Variants in TNS1 observed in about 807,000 individuals in gnomAD.
TNS1 encodes the protein tensin 1.
TNS1 carries 62 observed loss-of-function variants against 168.6 expected under a neutral mutation model. That is an observed-to-expected ratio of 0.37 (90% CI 0.30 to 0.45). The LOEUF is 0.45. Among genes scored for constraint, TNS1 ranks in the 20% least tolerant of loss-of-function variants. TNS1 has a pLI of 1.00. For missense variants in TNS1, 2,240 were observed against 2,339.4 expected, an observed-to-expected ratio of 0.96 and a Z score of 0.88; for synonymous variants, 934 against 933.2, an observed-to-expected ratio of 1.00 and a Z score of -0.02.
chr2:217,822,632 G>A (rs1327372573), intron 22 of TNS1, among the ~76,000 whole-genome samples: 1 of 152,200 alleles, frequency 6.6e-6, no homozygotes, highest in South Asian at 2.1e-4. Flanking sequence ...GAGCAGTTTA[G>A]TTTACAGAGG....
chr2:217,898,589 C>G (rs1041416649), intron 7 of TNS1, among the ~76,000 whole-genome samples: 3 of 152,246 alleles, frequency 2.0e-5, no homozygotes, highest in African/African-American at 7.2e-5. Context: ...AACTCCTGCC[C>G]TTTGTTCCTT....
chr2:217,976,605 T>A (rs1957902448), intron 3 of TNS1, among the ~76,000 whole-genome samples: 1 of 152,200 alleles, frequency 6.6e-6, no homozygotes, highest in Admixed American at 6.5e-5. Context: ...GGCAGCCTGG[T>A]GCATTCTGAG....
chr2:217,963,734 G>A (rs1383696125), intron 3 of TNS1, among the ~76,000 whole-genome samples: 1 of 139,104 alleles, frequency 7.2e-6, no homozygotes, highest in African/African-American at 2.8e-5. Flanking sequence ...ATGAAAATAT[G>A]TACATTTACC....
intron 1 of TNS1, among the ~76,000 whole-genome samples, chr2:218,029,736 T>C (rs2059741): frequency 0.9 from 137,628 of 152,238 alleles, 62,442 homozygotes; most frequent in African/African-American, 0.98. Context: ...AAGTCGGGAT[T>C]GCGCACTGCC....
In TNS1 at chr2:217,848,418, G is replaced by C. The variant is rs147452506; in HGVS notation, c.2099C>G (p.Thr700Arg). The change falls in exon 19 of 33, where the codon ACG becomes AGG. Residue 700 changes from threonine to arginine, a missense_variant. This residue lies in a region of TNS1 where 2,131 missense variants were observed against 2,171.2 expected (regional missense o/e 0.98). Coordinates refer to ENST00000682258, the MANE Select transcript of TNS1 (RefSeq NM_001387777.1). ...AGAGTAGGAGGGCCGCATGGGGGCC[G>C]TGTGGCCAGCATGGGCAGGCCCCGC... ...SRAGPAHAGH[T>R]APMRPSYSAQ... is the part of the protein sequence containing the mutation. The C allele has an allele frequency of 4.4e-6, 7 of 1,601,202 alleles. No individual in the cohort carries two copies. Among genetic ancestry groups the C allele is most frequent in the South Asian group, 1.1e-5 (1 of 89,062 alleles).
chr2:217,930,483 C>G (rs1956263331), intron 3 of TNS1, among the ~76,000 whole-genome samples: 1 of 152,194 alleles, frequency 6.6e-6, no homozygotes, highest in Non-Finnish European at 1.5e-5. Context: ...AGAGGCAACC[C>G]ATGCCACACT....
intron 3 of TNS1, among the ~76,000 whole-genome samples, chr2:217,936,307 A>G (rs561991824): frequency 7.2e-5 from 11 of 152,142 alleles, no homozygotes; most frequent in Non-Finnish European, 1.6e-4. Context: ...AGCTGCCTAC[A>G]GTCTACCCTC....
chr2:217,809,678 A>C, intron 30 of TNS1, 145 bp downstream of exon 30: 1 of 801,586 alleles, frequency 1.2e-6, no homozygotes, highest in Non-Finnish European at 2.0e-6. Context: ...GGTAGATGGG[A>C]GGTAGATGCA....
At chr2:217,898,561 C>A (rs566453884) in intron 7 of TNS1, among the ~76,000 whole-genome samples, 2 of 152,372 alleles carry the variant, frequency 1.3e-5, no homozygotes, top group South Asian at 4.1e-4. Flanking sequence ...CACATTCCAG[C>A]CCTCCCGGAG....
intron 22 of TNS1, among the ~76,000 whole-genome samples, chr2:217,829,238 T>C (rs1290571294): frequency 7.0e-6 from 1 of 143,194 alleles, no homozygotes; most frequent in African/African-American, 2.6e-5. Flanking sequence ...AAAAAAAAAT[T>C]GCTGGGCGTG....
intron 18 of TNS1, among the ~76,000 whole-genome samples, chr2:217,857,407 T>A (rs1397043418): frequency 1.3e-5 from 2 of 152,184 alleles, no homozygotes; most frequent in Admixed American, 6.5e-5. Context: ...TTGTCCCTAA[T>A]GCTGCTTCAA....
intron 1 of TNS1, among the ~76,000 whole-genome samples, chr2:218,015,453 C>G (rs1958749415): frequency 6.6e-6 from 1 of 152,126 alleles, no homozygotes; most frequent in Non-Finnish European, 1.5e-5. Flanking sequence ...CCACTACTAG[C>G]CCAGGTCTCT....
At chr2:217,966,284 T>A (rs1291780847) in intron 3 of TNS1, among the ~76,000 whole-genome samples, 1 of 142,980 alleles carries the variant, frequency 7.0e-6, no homozygotes, top group Non-Finnish European at 1.5e-5. Context: ...TGTGTGTGTG[T>A]GTGTGTGTGT....
chr2:217,846,152 T>G (rs1489964153), intron 19 of TNS1, among the ~76,000 whole-genome samples: 1 of 152,136 alleles, frequency 6.6e-6, no homozygotes, highest in Non-Finnish European at 1.5e-5. Flanking sequence ...TGCCCATCCT[T>G]TGTTCCGATG....
At chr2:217,962,988 G>A (rs1310098870) in intron 3 of TNS1, among the ~76,000 whole-genome samples, 1 of 152,216 alleles carries the variant, frequency 6.6e-6, no homozygotes, top group Non-Finnish European at 1.5e-5. Context: ...ATTAGGGGGA[G>A]TTGGGTGAAG....
chr2:217,946,961 T>TCACACA lies in TNS1; in HGVS notation c.187-26726_187-26725insTGTGTG, dbSNP rs1363329507. ...CGCTCTCTCTCTCTCTCTCTCTCTC[T>TCACACA]CTCTCTCTCACACACACACACACAC... On this transcript the variant is annotated intron_variant, in intron 3 of 32. Transcript: ENST00000682258. 2.9e-3 allele frequency among the ~76,000 whole-genome samples: 393 copies of TCACACA among 133,896 alleles called. 2 individuals carry two copies. The highest frequency in any genetic ancestry group is 0.013 in the African/African-American group (365 of 28,264). The allele number at this position is 133,896 out of a possible 152,430, so 87.8% of individuals were successfully genotyped here. A position where few individuals can be genotyped will look rare whatever the true frequency, so the allele number is the denominator to read the frequency against.
At chr2:217,960,602 C>T (rs1957472436) in intron 3 of TNS1, among the ~76,000 whole-genome samples, 1 of 152,126 alleles carries the variant, frequency 6.6e-6, no homozygotes, top group Non-Finnish European at 1.5e-5. Context: ...TACCAGCAGC[C>T]CAGCTTCTGA....
intron 18 of TNS1, chr2:217,849,963 A>C (rs3791978): frequency 0.48 from 477,541 of 985,064 alleles, 116,470 homozygotes; most frequent in African/African-American, 0.59. Flanking sequence ...AAAGGATGTG[A>C]TAGAACCATT....
At chr2:217,930,161 C>T (rs1003430789) in intron 3 of TNS1, among the ~76,000 whole-genome samples, 3 of 152,212 alleles carry the variant, frequency 2.0e-5, no homozygotes, top group Non-Finnish European at 4.4e-5. Context: ...TTCAATACGG[C>T]GCACTCTGAG....
Sources: gnomAD v4.1 joint callset for allele counts (sites outside exome capture counted in the v4.1 genomes callset) on GRCh38, gnomAD v4.1.1 for gene constraint, gnomAD v4.1.1 regional missense constraint, MANE v1.5 for transcripts, NCBI Gene and HGNC (gene_info 2026-07-23, HGNC 2026-07-21) for gene names.